Variants in STARD9 observed in about 807,000 individuals in gnomAD.
STARD9 encodes the protein StAR related lipid transfer domain containing 9.
STARD9 carries 346 observed loss-of-function variants against 399.8 expected under a neutral mutation model. The observed-to-expected ratio is 0.87, with a 90% CI of 0.79 to 0.95. The LOEUF is 0.95. Among genes scored for constraint, STARD9 ranks in the 40% least tolerant of loss-of-function variants. The probability of loss-of-function intolerance (pLI) is 0.00; values close to 1 mark genes in which losing one functional copy is unlikely to be tolerated. For missense variants in STARD9, 5,832 were observed against 5,667.5 expected, an observed-to-expected ratio of 1.03 and a Z score of -0.93; for synonymous variants, 2,203 against 2,143.5, an observed-to-expected ratio of 1.03 and a Z score of -0.77.
intron 3 of STARD9, among the ~76,000 whole-genome samples, chr15:42,599,951 C>A (rs1055314780): frequency 6.6e-6 from 1 of 152,020 alleles, no homozygotes; most frequent in Admixed American, 6.6e-5. Flanking sequence ...AATAACATAT[C>A]CAAAGTTTGT....
rs1309445701 is a variant in STARD9, at chr15:42,717,620, G to A, written c.13495-111G>A. The stretch of plus-strand genomic sequence containing the variant: ...AGCCTGGGTGACAGAGCTAGACCCT[G>A]TCTCAAAAAAAAAGAAAAGGGGAAT... On this transcript the variant is annotated intron_variant, in intron 28 of 32. Coordinates refer to ENST00000290607, the MANE Select transcript of STARD9 (RefSeq NM_020759.3). The A allele has an allele frequency of 3.1e-6, 3 of 958,814 alleles. No homozygotes were observed. The East Asian group carries it at 7.8e-5, about 25-fold the overall frequency. 59.4% of individuals were successfully genotyped at this position (958,814 alleles called of 1,614,324 possible). A position where few individuals can be genotyped will look rare whatever the true frequency, so the allele number is the denominator to read the frequency against.
chr15:42,646,372 C>T (rs1276138091), intron 7 of STARD9, among the ~76,000 whole-genome samples: 1 of 152,192 alleles, frequency 6.6e-6, no homozygotes, highest in African/African-American at 2.4e-5. Flanking sequence ...TTTAGTGTAG[C>T]TACCTTCATT....
chr15:42,596,998 G>A (rs139425855), intron 3 of STARD9, among the ~76,000 whole-genome samples: 6 of 152,252 alleles, frequency 3.9e-5, no homozygotes, highest in East Asian at 1.9e-4. Flanking sequence ...AAAGGAGTTA[G>A]CATATTAAGG....
At chr15:42,613,314 C>T (rs889185982) in intron 3 of STARD9, among the ~76,000 whole-genome samples, 2 of 151,884 alleles carry the variant, frequency 1.3e-5, no homozygotes, top group African/African-American at 4.8e-5. Context: ...GCATTTTTAC[C>T]TTCCAATAAA....
intron 26 of STARD9, among the ~76,000 whole-genome samples, chr15:42,697,666 A>C (rs763562817): frequency 6.6e-6 from 1 of 152,188 alleles, no homozygotes; most frequent in African/African-American, 2.4e-5. Flanking sequence ...ACTTGGTTTC[A>C]TGCACAAAAT....
Position 42,690,571 on chromosome 15 carries a change from G to T in STARD9, c.8993G>T (p.Cys2998Phe). The change falls in exon 23 of 33, where the codon TGT becomes TTT. Residue 2998 changes from cysteine (C) to phenylalanine (F), a missense_variant. This residue lies in a region of STARD9 where 5,828 missense variants were observed against 5,651.1 expected (regional missense o/e 1.03). Transcript: ENST00000290607. ...KAAPHTIHPP[C>F]VVPSRAYEMD... ...GCCCCACATACTATCCACCCACCCT[G>T]TGTAGTACCTTCCAGGGCCTATGAA... 1 of 1,537,224 alleles carries T rather than the reference G, an allele frequency of 6.5e-7. No homozygotes were observed. The highest frequency in any genetic ancestry group is 8.7e-7 in the Non-Finnish European group (1 of 1,146,908).
chr15:42,693,816 G>C lies in STARD9; in HGVS notation c.12238G>C (p.Gly4080Arg). Residue 4080 changes from glycine to arginine, a missense_variant, in exon 23 of 33, where the codon GGA (glycine) becomes CGA (arginine). Physicochemically the swap from Gly to Arg is moderately radical, Grantham distance 125 (BLOSUM62 -2). Transcript: ENST00000290607. ...CACTCTGGACCGACCTTCTTCATGG[G>C]GAGGCCTCCAGCACCTCAGCCCCTG... ...QRTLDRPSSW[G>R]GLQHLSPCPV... is the part of the protein sequence containing the mutation. 6.5e-7 allele frequency: 1 copy of C among 1,536,406 alleles called. No individual in the cohort carries two copies. The highest frequency in any genetic ancestry group is 8.7e-7 in the Non-Finnish European group (1 of 1,146,642).
intron 9 of STARD9, among the ~76,000 whole-genome samples, chr15:42,653,591 T>C (rs2059806922): frequency 7.0e-6 from 1 of 142,844 alleles, no homozygotes; most frequent in East Asian, 2.0e-4. Context: ...ATCAGAAGCA[T>C]TGAACCCTTA....
At position 42,692,736 on chromosome 15, in the gene STARD9, C is replaced by T. The variant is rs375885860; in HGVS notation, c.11158C>T (p.Gln3720Ter). The T allele has an allele frequency of 1.3e-5, 20 of 1,537,076 alleles. No homozygotes were observed. In the East Asian group the frequency reaches 1.5e-4, roughly 11 times the overall value. ...TKRDIPDKAP[Q>*]ALMMDGSTQT... ...GAGGGACATCCCAGATAAAGCCCCACAGGCCCTGATGATGGATGGCTCTAC... is the reference window on the plus strand; with the variant it reads ...GAGGGACATCCCAGATAAAGCCCCATAGGCCCTGATGATGGATGGCTCTAC... The change falls in exon 23 of 33, where the codon CAG becomes TAG. Residue 3720 changes from glutamine (Q) to a stop codon, truncating the protein, a stop_gained. Coordinates refer to ENST00000290607, the MANE Select transcript of STARD9 (RefSeq NM_020759.3). LOFTEE classifies it high-confidence loss of function.
At chr15:42,581,395 G>A in intron 1 of STARD9, 1 of 1,504,008 alleles carries the variant, frequency 6.6e-7, no homozygotes, top group Non-Finnish European at 9.2e-7. Flanking sequence ...CAATAGTCAA[G>A]AGGTAGCTGC....
chr15:42,692,017 G>C lies in STARD9; in HGVS notation c.10439G>C (p.Arg3480Pro), dbSNP rs551824479. Residue 3480 changes from arginine to proline, a missense_variant, in exon 23 of 33, where the codon CGT becomes CCT. By Grantham distance (103) the Arg-to-Pro change is moderately radical. Around this residue, in one of 2 missense-constraint regions of STARD9, gnomAD observed 5,828 missense variants for 5,651.1 expected, o/e 1.03. Coordinates refer to ENST00000290607, the MANE Select transcript of STARD9 (RefSeq NM_020759.3). ...CCGTGGCGTCCGGAGGAGCCTGCACGTATCAGCTGGAAGCAGTATATGTCT... is the reference window on the plus strand; with the variant it reads ...CCGTGGCGTCCGGAGGAGCCTGCACCTATCAGCTGGAAGCAGTATATGTCT... ...ALPWRPEEPA[R>P]ISWKQYMSGS... 7.8e-6 allele frequency: 12 copies of C among 1,537,126 alleles called. No individual in the cohort carries two copies. Among genetic ancestry groups the C allele is most frequent in the Non-Finnish European group, 6.1e-6 (7 of 1,146,920 alleles).
chr15:42,596,027 C>G (rs1338710660), intron 3 of STARD9, among the ~76,000 whole-genome samples: 1 of 152,164 alleles, frequency 6.6e-6, no homozygotes, highest in South Asian at 2.1e-4. Flanking sequence ...GTTTGCTGCT[C>G]GTGGCACATG....
chr15:42,690,399 A>G lies in STARD9; in HGVS notation c.8821A>G (p.Ser2941Gly). 1.3e-6 allele frequency: 2 copies of G among 1,537,254 alleles called. No homozygotes were observed. The highest frequency in any genetic ancestry group is 1.7e-6 in the Non-Finnish European group (2 of 1,146,898). ...SRNPEGSRTL[S>G]PSRGKESRTL... ...GAACCCTGAAGGCAGCAGGACTCTC[A>G]GCCCGTCTAGAGGGAAAGAGAGCAG... The change falls in exon 23 of 33, where the codon AGC (serine) becomes GGC (glycine). Residue 2941 changes from serine to glycine, a missense_variant. By Grantham distance (56) the Ser-to-Gly change is moderately conservative (BLOSUM62 0). This residue lies in a region of STARD9 where 5,828 missense variants were observed against 5,651.1 expected (regional missense o/e 1.03). Coordinates refer to ENST00000290607, the MANE Select transcript of STARD9 (RefSeq NM_020759.3).
At chr15:42,590,653 A>C (rs1213787536) in intron 3 of STARD9, among the ~76,000 whole-genome samples, 4 of 152,190 alleles carry the variant, frequency 2.6e-5, no homozygotes, top group African/African-American at 4.8e-5. Context: ...TTGGCTCACA[A>C]TTCTGCAGGC....
intron 26 of STARD9, among the ~76,000 whole-genome samples, chr15:42,713,455 T>C (rs138423727): frequency 0.029 from 4,416 of 152,328 alleles, 90 homozygotes; most frequent in Non-Finnish European, 0.043. Context: ...TGAGAGCCGA[T>C]GTCCTTGTCT....
chr15:42,650,637 C>T (rs1024530799), intron 7 of STARD9, among the ~76,000 whole-genome samples: 5 of 152,090 alleles, frequency 3.3e-5, no homozygotes, highest in South Asian at 2.1e-4. Context: ...TATGCCAAAC[C>T]GAGTCTGCCA....
intron 26 of STARD9, among the ~76,000 whole-genome samples, chr15:42,697,067 CAT>C (rs1487329312): frequency 6.6e-6 from 1 of 152,150 alleles, no homozygotes; most frequent in East Asian, 1.9e-4. Context: ...ATGTCAGGCA[CAT>C]GTTTGAGTCT....
At chr15:42,703,786 G>C (rs779768217) in intron 26 of STARD9, among the ~76,000 whole-genome samples, 12 of 151,706 alleles carry the variant, frequency 7.9e-5, no homozygotes, top group Non-Finnish European at 1.6e-4. Flanking sequence ...TGAGCTCACA[G>C]ATTTATTCTT....
rs1402622925 is a variant in STARD9, at chr15:42,690,368, C to G, written c.8790C>G (p.Phe2930Leu). The G allele has an allele frequency of 2.3e-5, 35 of 1,537,128 alleles. No individual in the cohort carries two copies. Among genetic ancestry groups the G allele is most frequent in the Non-Finnish European group, 3.1e-5 (35 of 1,146,922 alleles). The change falls in exon 23 of 33, where the codon TTC (phenylalanine) becomes TTG (leucine). Residue 2930 changes from phenylalanine to leucine, a missense_variant. Physicochemically the swap from Phe to Leu is conservative, Grantham distance 22 (BLOSUM62 0). Around this residue, in one of 2 missense-constraint regions of STARD9, gnomAD observed 5,828 missense variants for 5,651.1 expected, o/e 1.03. Transcript: ENST00000290607. Reference protein sequence around the residue: ...HPREALDGPVFSRNPEGSRTL... With the variant: ...HPREALDGPVLSRNPEGSRTL... ...GGGAAGCTTTAGATGGCCCTGTCTT[C>G]TCAAGGAACCCTGAAGGCAGCAGGA... is the stretch of plus-strand genomic sequence containing the variant.
Sources: allele counts gnomAD v4.1 joint callset (sites outside exome capture counted in the v4.1 genomes callset), GRCh38; gene constraint gnomAD v4.1.1; regional missense constraint gnomAD v4.1.1; transcripts MANE v1.5; gene names NCBI Gene and HGNC (gene_info 2026-07-23, HGNC 2026-07-21).